The following PIEZO2 variants were observed in gnomAD, a reference collection of about 807,000 sequenced individuals.
The protein encoded by PIEZO2 is piezo type mechanosensitive ion channel component 2, also known as piezo-type mechanosensitive ion channel component 2.
PIEZO2 carries 172 observed loss-of-function variants against 337.3 expected under a neutral mutation model. That is an observed-to-expected ratio of 0.51 (90% confidence interval 0.45 to 0.58). The LOEUF is 0.58. Ranked by LOEUF, PIEZO2 falls within the 20% of genes least tolerant of loss-of-function variation. The pLI is 0.00. For missense variants in PIEZO2, 3,028 were observed against 3,391.3 expected, an observed-to-expected ratio of 0.89 and a Z score of 2.66; for synonymous variants, 1,251 against 1,228.5, an observed-to-expected ratio of 1.02 and a Z score of -0.38.
chr18:10,773,378 T>G lies in PIEZO2; in HGVS notation c.2785+34A>C. 6.6e-7 allele frequency: 1 copy of G among 1,524,520 alleles called. No individual in the cohort carries two copies. The highest frequency in any genetic ancestry group is 8.8e-7 in the Non-Finnish European group (1 of 1,135,358). 94.4% of individuals were successfully genotyped at this position (1,524,520 alleles called of 1,614,324 possible). A position where few individuals can be genotyped will look rare whatever the true frequency, so the allele number is the denominator to read the frequency against. On this transcript the variant is annotated intron_variant, in intron 20 of 55. Transcript: ENST00000674853. The surrounding 1 kb of genome is among the most constrained non-coding windows in gnomAD (Gnocchi z 5.3). ...CCTTCACTCAGTCTGACAGCCAGCG[T>G]TCTCTGACCAGCTGCTGGTAGTGGG...
intron 2 of PIEZO2, among the ~76,000 whole-genome samples, chr18:11,051,744 G>A (rs1193888176): frequency 6.6e-6 from 1 of 152,298 alleles, no homozygotes. Flanking sequence ...ATCAATTATT[G>A]TGAGTAAATG....
In PIEZO2 at chr18:10,697,792, C is replaced by A. The variant is rs746389777; in HGVS notation, c.6783G>T (p.Lys2261Asn). Residue 2261 changes from lysine to asparagine, a missense_variant, in exon 45 of 56, where the codon AAG becomes AAT. Coordinates refer to ENST00000674853, the MANE Select transcript of PIEZO2 (RefSeq NM_001378183.1). ...TTGCTTTGATTAAATGTTCTTGAAG[C>A]TTTTCCATATAAAGTTCCCTTTTGC... is the stretch of plus-strand genomic sequence containing the variant. ...QKGKRELYME[K>N]LQEHLIKAKA... is the part of the protein sequence containing the mutation. 3.1e-6 allele frequency: 5 copies of A among 1,614,076 alleles called. No individual in the cohort carries two copies. The South Asian group carries it at 3.3e-5, about 11-fold the overall frequency.
At position 11,097,885 on chromosome 18, in the gene PIEZO2, A is replaced by C. The variant is rs967217283; in HGVS notation, c.65-31663T>G. Among the ~76,000 whole-genome samples, 38 of 152,336 alleles carry C rather than the reference A, an allele frequency of 2.5e-4. No individual in the cohort carries two copies. The highest frequency in any genetic ancestry group is 8.7e-4 in the African/African-American group (36 of 41,580). ...GAATTTAAAATGCTACATGGTGGCA[A>C]CAAAGAAAAAATGTGAGGCTTTTAT... On this transcript the variant is annotated intron_variant, in intron 1 of 55. Coordinates refer to ENST00000674853, the MANE Select transcript of PIEZO2 (RefSeq NM_001378183.1). This position sits in a 1 kb window ranked among gnomAD's most constrained non-coding sequence, Gnocchi z 5.0.
At chr18:11,066,066 G>A (rs2038138415) in intron 2 of PIEZO2, 61 bp downstream of exon 2, 2 of 1,362,110 alleles carry the variant, frequency 1.5e-6, no homozygotes, top group East Asian at 2.5e-5. Context: ...ATCCCAAGGA[G>A]CCCAGCAAAA....
At chr18:10,742,800 G>GTGTGCC (rs918462828) in intron 31 of PIEZO2, among the ~76,000 whole-genome samples, 185 bp from the exon 32 acceptor site, 2 of 113,332 alleles carry the variant, frequency 1.8e-5, no homozygotes, top group African/African-American at 1.1e-4. Flanking sequence ...ATACATATTT[G>GTGTGCC]TGTGTGTGTG....
chr18:11,130,476 A>G (rs2040309076), intron 1 of PIEZO2, among the ~76,000 whole-genome samples: 1 of 152,252 alleles, frequency 6.6e-6, no homozygotes, highest in Non-Finnish European at 1.5e-5. Flanking sequence ...GCTTTGTGTC[A>G]TAATCTTATT....
intron 2 of PIEZO2, among the ~76,000 whole-genome samples, chr18:11,034,953 C>A (rs936065526): frequency 1.3e-5 from 2 of 152,238 alleles, no homozygotes; most frequent in Non-Finnish European, 2.9e-5. Context: ...AACTTCCTGA[C>A]TGCCAGACAG....
chr18:11,129,232 C>T lies in PIEZO2; in HGVS notation c.64+19293G>A, dbSNP rs2040269182. 1.3e-5 allele frequency among the ~76,000 whole-genome samples: 2 copies of T among 152,110 alleles called. No individual in the cohort carries two copies. The highest frequency in any genetic ancestry group is 2.4e-5 in the African/African-American group (1 of 41,432). On this transcript the variant is annotated intron_variant, in intron 1 of 55. Transcript: ENST00000674853. This position sits in a 1 kb window ranked among gnomAD's most constrained non-coding sequence, Gnocchi z 4.6. Reference sequence around the variant, plus strand: ...AGATTTGTGAGGGCAGCACCTGCATCTTTGGAACCACAGTCACTCAACTAC... The same window carrying T: ...AGATTTGTGAGGGCAGCACCTGCATTTTTGGAACCACAGTCACTCAACTAC...
intron 17 of PIEZO2, among the ~76,000 whole-genome samples, chr18:10,782,217 AT>A (rs2039012528): frequency 2.3e-5 from 3 of 132,968 alleles, no homozygotes; most frequent in African/African-American, 8.5e-5. Flanking sequence ...ATAATTATAT[AT>A]ATCATAATAT....
chr18:11,000,525 C>T (rs927949312), intron 2 of PIEZO2, among the ~76,000 whole-genome samples: 1 of 152,274 alleles, frequency 6.6e-6, no homozygotes, highest in East Asian at 1.9e-4. Flanking sequence ...GGGAAGAGGA[C>T]AGGGACCTGC....
chr18:10,978,051 G>T (rs2034514642), intron 3 of PIEZO2, among the ~76,000 whole-genome samples: 1 of 152,120 alleles, frequency 6.6e-6, no homozygotes, highest in Non-Finnish European at 1.5e-5. Flanking sequence ...GGCCAGGTGT[G>T]GTGGCTCACG....
intron 18 of PIEZO2, among the ~76,000 whole-genome samples, chr18:10,776,172 G>A (rs1598464514): frequency 1.3e-5 from 2 of 152,076 alleles, no homozygotes; most frequent in East Asian, 3.9e-4. Flanking sequence ...AGAGAAGAAC[G>A]TTAAAAGACT....
At chr18:11,142,479 C>T (rs2040680434) in intron 1 of PIEZO2, among the ~76,000 whole-genome samples, 1 of 152,186 alleles carries the variant, frequency 6.6e-6, no homozygotes, top group East Asian at 1.9e-4. Flanking sequence ...GACAGCCAAA[C>T]ATTTAAAAAA....
chr18:10,733,851 A>G, intron 35 of PIEZO2, among the ~76,000 whole-genome samples: 1 of 152,248 alleles, frequency 6.6e-6, no homozygotes, highest in East Asian at 1.9e-4. Context: ...AGAAAAATAC[A>G]TGGAAATTTA....
chr18:10,723,277 A>C (rs1363727376), intron 36 of PIEZO2, among the ~76,000 whole-genome samples: 1 of 152,112 alleles, frequency 6.6e-6, no homozygotes, highest in Non-Finnish European at 1.5e-5. Context: ...TCCAGGAGGC[A>C]GTGATTAACT....
rs1291081548 is a variant in PIEZO2 at position 10,895,049 on chromosome 18, C to CA, written c.329+16136_329+16137insT. On this transcript the variant is annotated intron_variant, in intron 4 of 55. Transcript: ENST00000674853. This position sits in a 1 kb window ranked among gnomAD's most constrained non-coding sequence, Gnocchi z 4.8. The stretch of plus-strand genomic sequence containing the variant: ...TGCTCTTGCATGGTCATTCCTCCCC[C>CA]TGAAGCCTCAGTGGGCTGTCATTTG... 6.6e-6 allele frequency among the ~76,000 whole-genome samples: 1 copy of CA among 152,242 alleles called. No homozygotes were observed. The highest frequency in any genetic ancestry group is 6.5e-5 in the Admixed American group (1 of 15,290).
chr18:11,077,444 A>C lies in PIEZO2; in HGVS notation c.65-11222T>G, dbSNP rs893395435. Among the ~76,000 whole-genome samples, 3 of 152,092 alleles carry C rather than the reference A, an allele frequency of 2.0e-5. No homozygotes were observed. The highest frequency in any genetic ancestry group is 1.5e-5 in the Non-Finnish European group (1 of 68,030). ...CACTTTGGGAGGCAGAGGCAGGAGGATTGCTTGAGACCAGGAATTTGAGAC... is the reference window on the plus strand; with the variant it reads ...CACTTTGGGAGGCAGAGGCAGGAGGCTTGCTTGAGACCAGGAATTTGAGAC... On this transcript the variant is annotated intron_variant, in intron 1 of 55. Coordinates refer to ENST00000674853, the MANE Select transcript of PIEZO2 (RefSeq NM_001378183.1). This position sits in a 1 kb window ranked among gnomAD's most constrained non-coding sequence, Gnocchi z 4.8.
At chr18:10,768,684 A>G (rs1033606006) in intron 21 of PIEZO2, among the ~76,000 whole-genome samples, 1 of 152,186 alleles carries the variant, frequency 6.6e-6, no homozygotes, top group African/African-American at 2.4e-5. Flanking sequence ...CAGAGAAGGG[A>G]GTGGTGATAC....
chr18:10,998,221 C>T (rs533257343), intron 2 of PIEZO2, among the ~76,000 whole-genome samples: 1 of 151,976 alleles, frequency 6.6e-6, no homozygotes, highest in Non-Finnish European at 1.5e-5. Flanking sequence ...AATTAACCTG[C>T]TATCAAAGCA....
Sources: allele counts gnomAD v4.1 joint callset (sites outside exome capture counted in the v4.1 genomes callset), GRCh38; gene constraint gnomAD v4.1.1; non-coding constraint Gnocchi (gnomAD v3.1); transcripts MANE v1.5; gene names NCBI Gene and HGNC (gene_info 2026-07-23, HGNC 2026-07-21).